The following TTC39B variants were observed in gnomAD, a reference collection of about 807,000 sequenced individuals.
TTC39B encodes tetratricopeptide repeat protein 39B.
Under a neutral mutation model 96.6 loss-of-function variants are expected in TTC39B, and 92 were observed. That is an observed-to-expected ratio of 0.95 (90% CI 0.80 to 1.13). TTC39B has a LOEUF of 1.13. TTC39B is among the 50% of genes most tolerant of loss of function. TTC39B has a pLI of 0.00. For synonymous variants in TTC39B, 367 were observed against 299.4 expected (o/e 1.23, Z -2.33); for missense variants, 955 against 809.3 (o/e 1.18, Z -2.18).
intron 1 of TTC39B, among the ~76,000 whole-genome samples, chr9:15,270,142 A>C (rs143038891): frequency 0.026 from 3,954 of 151,946 alleles, 176 homozygotes; most frequent in African/African-American, 0.091. Flanking sequence ...TGCACTCCAG[A>C]CTGGGCAACA....
At chr9:15,249,869 CA>C (rs1822454010) in intron 2 of TTC39B, 1 of 1,179,006 alleles carries the variant, frequency 8.5e-7, no homozygotes, top group Non-Finnish European at 1.1e-6. Context: ...TTAAAGAGAA[CA>C]TTTGAATCAT....
intron 1 of TTC39B, among the ~76,000 whole-genome samples, chr9:15,296,514 G>A (rs569657998): frequency 6.6e-6 from 1 of 152,136 alleles, no homozygotes; most frequent in East Asian, 1.9e-4. Flanking sequence ...TTTTTTTTGA[G>A]AAGGAATTTC....
At chr9:15,171,958 G>A in exon 20 of TTC39B, 1 of 1,290,394 alleles carries the variant, frequency 7.7e-7, no homozygotes, top group South Asian at 1.3e-5. Flanking sequence ...TTTAATATAA[G>A]GTTGAATCTA....
chr9:15,258,580 T>A (rs1473834941), intron 2 of TTC39B, among the ~76,000 whole-genome samples: 1 of 152,168 alleles, frequency 6.6e-6, no homozygotes, highest in African/African-American at 2.4e-5. Flanking sequence ...AGGTTACTTA[T>A]GGAGGAGGCA....
At chr9:15,191,488 T>C (rs1379109351) in intron 9 of TTC39B, among the ~76,000 whole-genome samples, 1 of 152,164 alleles carries the variant, frequency 6.6e-6, no homozygotes, top group Non-Finnish European at 1.5e-5. Flanking sequence ...TTTCCAGGGT[T>C]CTCTATAGAA....
chr9:15,223,963 A>G (rs1201568349), intron 3 of TTC39B, among the ~76,000 whole-genome samples: 4 of 152,106 alleles, frequency 2.6e-5, no homozygotes, highest in Non-Finnish European at 5.9e-5. Flanking sequence ...CCTCTTTTAT[A>G]TAACTTTAAC....
At chr9:15,254,846 C>T in intron 2 of TTC39B, among the ~76,000 whole-genome samples, 1 of 142,104 alleles carries the variant, frequency 7.0e-6, no homozygotes, top group East Asian at 2.0e-4. Flanking sequence ...CACACACACA[C>T]ACACACACAC....
At chr9:15,199,925 C>G in exon 8 of TTC39B, 3 of 1,531,678 alleles carry the variant, frequency 2.0e-6, no homozygotes, top group South Asian at 1.2e-5. Flanking sequence ...ATATTTTCAT[C>G]CTGAAAATAA....
At chr9:15,214,312 G>GGGAGTGT (rs1820378924) in intron 3 of TTC39B, 63 bp from the exon 4 acceptor site, 1 of 1,178,518 alleles carries the variant, frequency 8.5e-7, no homozygotes, top group Non-Finnish European at 1.2e-6. Flanking sequence ...GTTGTCCGAA[G>GGGAGTGT]GGAGTGTGTG....
chr9:15,201,660 T>C (rs1434957472), intron 7 of TTC39B, among the ~76,000 whole-genome samples: 1 of 152,174 alleles, frequency 6.6e-6, no homozygotes, highest in Non-Finnish European at 1.5e-5. Flanking sequence ...AAGAATCTAT[T>C]GCAAAGAGAA....
At chr9:15,302,496 C>T (rs1358761164) in intron 1 of TTC39B, among the ~76,000 whole-genome samples, 2 of 139,950 alleles carry the variant, frequency 1.4e-5, no homozygotes, top group African/African-American at 2.7e-5. Flanking sequence ...ACATGCATCA[C>T]GCCACTGCAC....
At chr9:15,180,821 T>C (rs80190053) in intron 17 of TTC39B, among the ~76,000 whole-genome samples, 1,744 of 152,184 alleles carry the variant, frequency 0.011, 51 homozygotes, top group East Asian at 0.081. Flanking sequence ...CTAGAAGAGG[T>C]CATCATAAGT....
intron 1 of TTC39B, among the ~76,000 whole-genome samples, chr9:15,302,944 C>T (rs998505482): frequency 1.3e-5 from 2 of 151,882 alleles, no homozygotes; most frequent in African/African-American, 2.4e-5. Context: ...CTGAGGCGGC[C>T]GGATCACGAG....
intron 1 of TTC39B, among the ~76,000 whole-genome samples, chr9:15,280,601 G>A (rs1415668021): frequency 1.3e-5 from 2 of 152,284 alleles, no homozygotes; most frequent in Admixed American, 6.5e-5. Flanking sequence ...TGTGTGGCCC[G>A]AACAGTGATG....
chr9:15,174,895 A>T, intron 19 of TTC39B, 124 bp downstream of exon 19: 1 of 712,650 alleles, frequency 1.4e-6, no homozygotes, highest in South Asian at 1.8e-5. Context: ...AAGTTAGCAA[A>T]AGTAGCATTA....
intron 1 of TTC39B, among the ~76,000 whole-genome samples, chr9:15,286,579 TAAG>T (rs1823982511): frequency 6.6e-6 from 1 of 152,190 alleles, no homozygotes. Context: ...TTGCAACTAA[TAAG>T]AAGTCTCCGG....
intron 1 of TTC39B, among the ~76,000 whole-genome samples, chr9:15,277,815 C>T (rs1823603494): frequency 6.6e-6 from 1 of 152,202 alleles, no homozygotes; most frequent in Non-Finnish European, 1.5e-5. Context: ...AGAAGGGCTG[C>T]GTCCAAATGG....
Position 15,210,145 on chromosome 9 carries a change from CTG to C in TTC39B, c.632_633del (p.Thr211SerfsTer11). 6.2e-7 allele frequency: 1 copy of C among 1,604,324 alleles called. No individual in the cohort carries two copies. The highest frequency in any genetic ancestry group is 8.5e-7 in the Non-Finnish European group (1 of 1,176,396). On this transcript the variant is annotated frameshift_variant, in exon 6 of 20. Coordinates refer to ENST00000512701, the Ensembl canonical transcript of TTC39B. LOFTEE classifies it high-confidence loss of function. ...AGAAGACTTGAGAAAGATTCTACAA[CTG>C]TGTATTTTTTCCTGTATCTACATTG... is the stretch of plus-strand genomic sequence containing the variant.
intron 2 of TTC39B, among the ~76,000 whole-genome samples, chr9:15,230,589 T>C (rs1438798408): frequency 6.6e-6 from 1 of 152,222 alleles, no homozygotes; most frequent in Non-Finnish European, 1.5e-5. Context: ...TATTATTCCA[T>C]TGTATAGCTA....
Sources: allele counts gnomAD v4.1 joint callset (sites outside exome capture counted in the v4.1 genomes callset), GRCh38; gene constraint gnomAD v4.1.1; transcripts MANE v1.5; gene names NCBI Gene and HGNC (gene_info 2026-07-23, HGNC 2026-07-21).